The following CTNS variants were observed in gnomAD, a reference collection of about 807,000 sequenced individuals.
The protein encoded by CTNS is cystinosin.
A neutral mutation model predicts 43.7 loss-of-function variants in CTNS; 27 were observed. The ratio of observed to expected loss-of-function variants is 0.62; its 90% CI spans 0.46 to 0.85. The LOEUF is 0.85. Ranked by LOEUF, CTNS falls within the 40% of genes least tolerant of loss-of-function variation. The probability of loss-of-function intolerance (pLI) is 0.00; values close to 1 mark genes in which losing one functional copy is unlikely to be tolerated. For missense variants in CTNS, 457 were observed against 475.4 expected, an observed-to-expected ratio of 0.96 and a Z score of 0.36; for synonymous variants, 187 against 190.6, an observed-to-expected ratio of 0.98 and a Z score of 0.16.
At chr17:3,654,519 C>A (rs2076075163) in intron 5 of CTNS, among the ~76,000 whole-genome samples, 1 of 151,102 alleles carries the variant, frequency 6.6e-6, no homozygotes, top group Admixed American at 6.6e-5. Flanking sequence ...ACTAAAAATT[C>A]AAAAATTAGC....
At chr17:3,648,508 A>C (rs886338188) in intron 4 of CTNS, among the ~76,000 whole-genome samples, 3 of 152,020 alleles carry the variant, frequency 2.0e-5, no homozygotes, top group African/African-American at 7.2e-5. Flanking sequence ...GCTGGCCCTC[A>C]CACAAGGCCC....
chr17:3,643,379 G>C (rs1405303596), intron 3 of CTNS, among the ~76,000 whole-genome samples: 2 of 152,082 alleles, frequency 1.3e-5, no homozygotes, highest in Non-Finnish European at 2.9e-5. Context: ...TCGGTGTATA[G>C]CAGAGTAGCT....
intron 9 of CTNS, chr17:3,657,693 G>A (rs143956042): frequency 6.8e-5 from 31 of 455,438 alleles, no homozygotes; most frequent in South Asian, 5.3e-4. Context: ...GCTGAGAGGC[G>A]CCCAGTTCTG....
rs376724572 is a variant in CTNS at position 3,644,610 on chromosome 17, G to A, written c.62-2834G>A. Among the ~76,000 whole-genome samples the A allele has an allele frequency of 1.2e-4, 19 of 152,142 alleles. No homozygotes were observed. In the East Asian group the frequency reaches 3.3e-3, roughly 26 times the overall value. On this transcript the variant is annotated intron_variant, in intron 3 of 11. Transcript: ENST00000046640. ...CTCCCGAGTAGCTGGGATTACAGGC[G>A]CCTGCCATCACGCCCAGCTAATTTT...
Position 3,647,829 on chromosome 17 carries a change from C to T in CTNS, c.140+307C>T, listed in dbSNP as rs185390485. ...CCGGTGTTGAGGCCAGATTTCAAAGCGATTCTTTCTAAGACTAAGTATTTG... is the reference window on the plus strand; with the variant it reads ...CCGGTGTTGAGGCCAGATTTCAAAGTGATTCTTTCTAAGACTAAGTATTTG... On this transcript the variant is annotated intron_variant, in intron 4 of 11. Transcript: ENST00000046640. Among the ~76,000 whole-genome samples, 159 of 152,298 alleles carry T rather than the reference C, an allele frequency of 1.0e-3. 1 individual carries two copies. The highest frequency in any genetic ancestry group is 3.4e-3 in the Middle Eastern group (1 of 294).
chr17:3,656,885 AAAGG>A, intron 9 of CTNS, 90 bp downstream of exon 9: 1 of 1,587,528 alleles, frequency 6.3e-7, no homozygotes, highest in Non-Finnish European at 8.6e-7. Flanking sequence ...AGAGCCTGGG[AAAGG>A]AAGGGTGTGT....
In CTNS at chr17:3,660,566, G is replaced by A. The variant is rs745499655; in HGVS notation, c.*197G>A. 19 of 1,612,942 alleles carry A rather than the reference G, an allele frequency of 1.2e-5. No individual in the cohort carries two copies. The highest frequency in any genetic ancestry group is 2.2e-5 in the East Asian group (1 of 44,896). On this transcript the variant is annotated 3_prime_UTR_variant, in exon 12 of 12. Coordinates refer to ENST00000046640, the MANE Select transcript of CTNS (RefSeq NM_004937.3). ...GTCCGGGCCCCTCCTGGGCCTCCCC[G>A]GCCAGGCACGTGGCACCGTCGCCTT...
chr17:3,641,357 T>G (rs2737143), intron 3 of CTNS, among the ~76,000 whole-genome samples: 1,096 of 23,484 alleles, frequency 0.047, 49 homozygotes, highest in African/African-American at 0.15. Flanking sequence ...AAAAATCAGA[T>G]ACATATATAT....
intron 3 of CTNS, 92 bp from the exon 4 acceptor site, chr17:3,647,352 G>T: frequency 9.5e-7 from 1 of 1,048,718 alleles, no homozygotes; most frequent in Non-Finnish European, 1.5e-6. Flanking sequence ...TCAGAGCTCA[G>T]GAGTTCAGAT....
intron 10 of CTNS, among the ~76,000 whole-genome samples, chr17:3,658,715 C>T (rs1306909123): frequency 2.6e-5 from 4 of 152,232 alleles, no homozygotes; most frequent in Non-Finnish European, 1.5e-5. Flanking sequence ...AGGGAGAAGC[C>T]TTGTTCCAGT....
rs2076268802 is a variant in CTNS, at chr17:3,661,035, A to G, written c.*666A>G. 9.0e-6 allele frequency: 4 copies of G among 445,004 alleles called. No individual in the cohort carries two copies. Among genetic ancestry groups the G allele is most frequent in the South Asian group, 8.5e-5 (4 of 46,836 alleles). The allele number at this position is 445,004 out of a possible 1,614,324, so 27.6% of individuals were successfully genotyped here. ...GCGCATTAGCATAGTAACTCCTTTCAGATTTTTTGGAGGGACGTTTGGAAG... is the reference window on the plus strand; with the variant it reads ...GCGCATTAGCATAGTAACTCCTTTCGGATTTTTTGGAGGGACGTTTGGAAG... On this transcript the variant is annotated 3_prime_UTR_variant, in exon 12 of 12. Coordinates refer to ENST00000046640, the MANE Select transcript of CTNS (RefSeq NM_004937.3).
chr17:3,637,423 A>G (rs2075557546), intron 2 of CTNS, 107 bp downstream of exon 2: 1 of 151,328 alleles, frequency 6.6e-6, no homozygotes, highest in Admixed American at 6.6e-5. Flanking sequence ...GTGGCCACAA[A>G]CCATTGTAAT....
At chr17:3,644,630 A>G (rs1176406142) in intron 3 of CTNS, among the ~76,000 whole-genome samples, 2 of 151,996 alleles carry the variant, frequency 1.3e-5, no homozygotes, top group African/African-American at 4.8e-5. Context: ...ACGCCCAGCT[A>G]ATTTTTTGTA....
Position 3,660,488 on chromosome 17 carries a change from C to T in CTNS, c.*119C>T. The T allele has an allele frequency of 2.5e-6, 4 of 1,612,640 alleles. No individual in the cohort carries two copies. The highest frequency in any genetic ancestry group is 3.4e-6 in the Non-Finnish European group (4 of 1,179,952). On this transcript the variant is annotated 3_prime_UTR_variant, in exon 12 of 12. Coordinates refer to ENST00000046640, the MANE Select transcript of CTNS (RefSeq NM_004937.3). ...ACACAGGGCTGGCTCAGTGTGCGGA[C>T]AGAGGAGACCACTCTGCTCCTGGGG...
chr17:3,662,242 C>A lies in CTNS; in HGVS notation c.*1873C>A, dbSNP rs1056304513. Among the ~76,000 whole-genome samples the A allele has an allele frequency of 6.6e-6, 1 of 151,540 alleles. No homozygotes were observed. Among genetic ancestry groups the A allele is most frequent in the Non-Finnish European group, 1.5e-5 (1 of 67,948 alleles). On this transcript the variant is annotated 3_prime_UTR_variant, in exon 12 of 12. Coordinates refer to ENST00000046640, the MANE Select transcript of CTNS (RefSeq NM_004937.3). ...AGGAGAATTACTTGAACCCAGGAGG[C>A]GGAGGTTGCAGTGAGCGAAGATCAC... is the stretch of plus-strand genomic sequence containing the variant.
intron 3 of CTNS, among the ~76,000 whole-genome samples, chr17:3,646,793 G>GC (rs397830555): frequency 6.6e-6 from 1 of 151,656 alleles, no homozygotes; most frequent in Non-Finnish European, 1.5e-5. Flanking sequence ...TCATCTGGGG[G>GC]CCTGTTTGTC....
Position 3,660,889 on chromosome 17 carries a change from T to C in CTNS, c.*520T>C. On this transcript the variant is annotated 3_prime_UTR_variant, in exon 12 of 12. Transcript: ENST00000046640. ...GGGGCTCTTTCTCTGAAGGCCACTT[T>C]CCTGACGTACTCTCTGTACATAACT... 2 of 1,104,232 alleles carry C rather than the reference T, an allele frequency of 1.8e-6. No individual in the cohort carries two copies. The highest frequency in any genetic ancestry group is 2.7e-5 in the South Asian group (2 of 73,720). The allele number at this position is 1,104,232 out of a possible 1,614,324, so 68.4% of individuals were successfully genotyped here.
chr17:3,644,044 C>A (rs1351732231), intron 3 of CTNS, among the ~76,000 whole-genome samples: 1 of 152,158 alleles, frequency 6.6e-6, no homozygotes, highest in African/African-American at 2.4e-5. Flanking sequence ...TTTTGTAAAT[C>A]TGATACAATG....
rs774486231 is a variant in CTNS, at chr17:3,658,137, A to G, written c.814A>G (p.Ile272Val). The G allele has an allele frequency of 4.3e-6, 7 of 1,612,226 alleles. No individual in the cohort carries two copies. The East Asian group carries it at 6.7e-5, about 15-fold the overall frequency. ...GCAGTTTCTCTTCTGCTTCTCCTAC[A>G]TCAAGCTCGCAGTCACGCTGGTCAA... is the stretch of plus-strand genomic sequence containing the variant. ...WLQFLFCFSY[I>V]KLAVTLVKYF... The change falls in exon 10 of 12, where the codon ATC (isoleucine) becomes GTC (valine). Residue 272 changes from isoleucine (I) to valine (V), a missense_variant. By Grantham distance (29) the Ile-to-Val change is conservative. Transcript: ENST00000046640.
Sources: allele counts gnomAD v4.1 joint callset (sites outside exome capture counted in the v4.1 genomes callset), GRCh38; gene constraint gnomAD v4.1.1; transcripts MANE v1.5; gene names NCBI Gene and HGNC (gene_info 2026-07-23, HGNC 2026-07-21).